KIF16B: variants seen among roughly 807,000 people sequenced by gnomAD.
The protein encoded by KIF16B is kinesin family member 16B, also known as kinesin-like protein KIF16B.
In KIF16B, 98 loss-of-function variants were observed where a neutral mutation model predicts 156.3. The ratio of observed to expected loss-of-function variants is 0.63; its 90% confidence interval spans 0.53 to 0.74. The LOEUF (loss-of-function observed/expected upper bound fraction) is 0.74, where lower values mean the gene tolerates loss of function less well. KIF16B is among the 30% of genes least tolerant of loss of function. The pLI, the probability that KIF16B is intolerant of heterozygous loss-of-function variation, is 0.00. For missense variants in KIF16B, 1,421 were observed against 1,606.5 expected (o/e 0.88, Z 1.97); for synonymous variants, 564 against 583.7 (o/e 0.97, Z 0.49).
At chr20:16,495,066 A>T (rs1158251578) in intron 11 of KIF16B, among the ~76,000 whole-genome samples, 1 of 149,498 alleles carries the variant, frequency 6.7e-6, no homozygotes, top group Non-Finnish European at 1.5e-5. Flanking sequence ...TCAACAGGAA[A>T]CAAAAAGTGA....
intron 22 of KIF16B, among the ~76,000 whole-genome samples, chr20:16,369,815 T>C (rs1386242099): frequency 6.6e-6 from 1 of 152,232 alleles, no homozygotes; most frequent in African/African-American, 2.4e-5. Context: ...GTCATCACCA[T>C]GGAAGGACTA....
intron 24 of KIF16B, among the ~76,000 whole-genome samples, chr20:16,328,511 C>T (rs776278724): frequency 7.2e-5 from 11 of 152,130 alleles, no homozygotes; most frequent in Admixed American, 6.6e-4. Context: ...TGCCTCTAAG[C>T]GCAGCAGCAC....
chr20:16,526,295 A>G, intron 2 of KIF16B, 90 bp from the exon 3 acceptor site: 1 of 557,244 alleles, frequency 1.8e-6, no homozygotes, highest in Non-Finnish European at 3.1e-6. Flanking sequence ...ACTAAAAACC[A>G]TTTCATTCCT....
At chr20:16,293,904 T>C (rs1203388974) in intron 25 of KIF16B, among the ~76,000 whole-genome samples, 1 of 151,702 alleles carries the variant, frequency 6.6e-6, no homozygotes, top group Admixed American at 6.6e-5. Flanking sequence ...TGTCCCTGAA[T>C]ATATGAGGAG....
chr20:16,369,301 T>C (rs936068479), intron 22 of KIF16B: 9 of 985,470 alleles, frequency 9.1e-6, no homozygotes, highest in African/African-American at 8.7e-5. Flanking sequence ...GAAATGGGGA[T>C]GTGGTATCTC....
At chr20:16,478,153 C>A (rs975992611) in intron 12 of KIF16B, among the ~76,000 whole-genome samples, 1 of 152,126 alleles carries the variant, frequency 6.6e-6, no homozygotes, top group African/African-American at 2.4e-5. Context: ...GGACAATTCA[C>A]CTGATGACAA....
chr20:16,306,679 T>C (rs2063545299), intron 25 of KIF16B, among the ~76,000 whole-genome samples: 1 of 152,124 alleles, frequency 6.6e-6, no homozygotes, highest in African/African-American at 2.4e-5. Context: ...AGTGGTGCTC[T>C]TTTGCCTTCC....
At chr20:16,456,743 C>T (rs367622876) in intron 12 of KIF16B, among the ~76,000 whole-genome samples, 3 of 152,158 alleles carry the variant, frequency 2.0e-5, no homozygotes, top group African/African-American at 7.2e-5. Flanking sequence ...CTCCCTCCCC[C>T]GAACCATGGA....
intron 25 of KIF16B, among the ~76,000 whole-genome samples, chr20:16,293,779 C>A (rs2063344898): frequency 6.6e-6 from 1 of 152,070 alleles, no homozygotes; most frequent in Non-Finnish European, 1.5e-5. Flanking sequence ...GAGAATCATA[C>A]AATTGAGCAA....
chr20:16,506,071 TC>T lies in KIF16B; in HGVS notation c.818del (p.Gly273GlufsTer8). ...GATGVRLKEG[G>X]NINKSLVTLG... Reference sequence around the variant, plus strand: ...GAGTCACGAGGGACTTGTTAATATTTCCCCCTTCCTTTAGCCTAACCCCGGT... The same window carrying T: ...GAGTCACGAGGGACTTGTTAATATTTCCCCTTCCTTTAGCCTAACCCCGGT... On this transcript the variant is annotated frameshift_variant, in exon 8 of 26. Transcript: ENST00000354981. LOFTEE classifies it high-confidence loss of function. 6.2e-7 allele frequency: 1 copy of T among 1,613,984 alleles called. No homozygotes were observed. Among genetic ancestry groups the T allele is most frequent in the South Asian group, 1.1e-5 (1 of 91,070 alleles).
chr20:16,347,446 C>G (rs2064254086), intron 23 of KIF16B, among the ~76,000 whole-genome samples: 1 of 152,164 alleles, frequency 6.6e-6, no homozygotes, highest in Non-Finnish European at 1.5e-5. Context: ...GCTTGTAACT[C>G]AATCTCATTT....
intron 17 of KIF16B, among the ~76,000 whole-genome samples, chr20:16,385,691 G>C (rs1269192515): frequency 6.6e-6 from 1 of 152,178 alleles, no homozygotes; most frequent in Non-Finnish European, 1.5e-5. Context: ...AAGAGCAGTG[G>C]GGAAGGAGGG....
intron 1 of KIF16B, among the ~76,000 whole-genome samples, chr20:16,540,625 C>G (rs2070159958): frequency 6.6e-6 from 1 of 152,078 alleles, no homozygotes; most frequent in African/African-American, 2.4e-5. Flanking sequence ...CTCTCCCCGT[C>G]GCCATCCCTC....
intron 12 of KIF16B, among the ~76,000 whole-genome samples, chr20:16,490,034 A>T (rs1226148158): frequency 6.6e-6 from 1 of 151,226 alleles, no homozygotes; most frequent in Non-Finnish European, 1.5e-5. Context: ...CCTGCACAAC[A>T]CTCCCTGTCA....
At position 16,406,354 on chromosome 20, in the gene KIF16B, A is replaced by G; in HGVS notation, c.1695+20T>C. The G allele has an allele frequency of 6.2e-7, 1 of 1,608,608 alleles. No individual in the cohort carries two copies. Among genetic ancestry groups the G allele is most frequent in the Admixed American group, 1.7e-5 (1 of 59,970 alleles). On this transcript the variant is annotated intron_variant, in intron 16 of 25. Transcript: ENST00000354981. ...CACATACGATCAGTGGTTCCCTCCT[A>G]GAGACGCCGTGTCCCTCACCTTCCT...
rs539469735 is a variant in KIF16B at position 16,570,724 on chromosome 20, T to C, written c.47+2505A>G. ...TCTTATTCTCATCATCCTGGCAATA[T>C]TTGACACTAACCCCCACCACCTCCT... On this transcript the variant is annotated intron_variant, in intron 1 of 25. Transcript: ENST00000354981. Among the ~76,000 whole-genome samples the C allele has an allele frequency of 3.9e-5, 6 of 152,286 alleles. No individual in the cohort carries two copies. In the South Asian group the frequency reaches 1.0e-3, roughly 26 times the overall value.
chr20:16,516,374 T>G (rs558991633), intron 3 of KIF16B, among the ~76,000 whole-genome samples: 2 of 152,156 alleles, frequency 1.3e-5, no homozygotes, highest in Non-Finnish European at 2.9e-5. Context: ...GAAGTACAAA[T>G]GCTTCACCCA....
At chr20:16,533,110 T>C (rs2069819894) in intron 1 of KIF16B, among the ~76,000 whole-genome samples, 1 of 152,172 alleles carries the variant, frequency 6.6e-6, no homozygotes, top group Non-Finnish European at 1.5e-5. Flanking sequence ...AAGATGCAGG[T>C]AGGTTTTGAA....
intron 1 of KIF16B, among the ~76,000 whole-genome samples, chr20:16,539,840 AT>A (rs2070126858): frequency 6.6e-6 from 1 of 152,172 alleles, no homozygotes; most frequent in African/African-American, 2.4e-5. Context: ...CCCTCAGCTG[AT>A]GACATCTGGT....
Sources: gnomAD v4.1 joint callset for allele counts (sites outside exome capture counted in the v4.1 genomes callset) on GRCh38, gnomAD v4.1.1 for gene constraint, MANE v1.5 for transcripts, NCBI Gene and HGNC (gene_info 2026-07-23, HGNC 2026-07-21) for gene names.